Variants in CHIC2 observed in about 807,000 individuals in gnomAD.
CHIC2 encodes the protein cysteine rich hydrophobic domain 2.
Under a neutral mutation model 25.9 loss-of-function variants are expected in CHIC2, and 14 were observed. The observed-to-expected ratio is 0.54, with a 90% CI of 0.36 to 0.85. The LOEUF (loss-of-function observed/expected upper bound fraction) is 0.85, where lower values mean the gene tolerates loss of function less well. CHIC2 is among the 40% of genes least tolerant of loss of function. The probability of loss-of-function intolerance (pLI) is 0.01; values close to 1 mark genes in which losing one functional copy is unlikely to be tolerated. For missense variants in CHIC2, 146 were observed against 202.0 expected, an observed-to-expected ratio of 0.72 and a Z score of 1.68; for synonymous variants, 70 against 72.0, an observed-to-expected ratio of 0.97 and a Z score of 0.14.
intron 5 of CHIC2, 109 bp downstream of exon 5, chr4:54,013,728 A>C: frequency 8.5e-6 from 9 of 1,055,154 alleles, no homozygotes; most frequent in Non-Finnish European, 4.3e-6. Context: ...CACTCAGGAG[A>C]TTAAGCTCCT....
At chr4:54,037,685 A>T (rs996549086) in intron 3 of CHIC2, among the ~76,000 whole-genome samples, 4 of 152,206 alleles carry the variant, frequency 2.6e-5, no homozygotes, top group Admixed American at 6.5e-5. Flanking sequence ...AACACATTTA[A>T]AAGAACTGAT....
At chr4:54,085,068 G>T in the CHIC2 span, among the ~76,000 whole-genome samples, 2 of 151,108 alleles carry the variant, frequency 1.3e-5, no homozygotes, top group African/African-American at 4.9e-5. Flanking sequence ...ATCTCAAAAT[G>T]TTAAAGTGCT....
At chr4:54,070,381 A>ATTAT in the CHIC2 span, among the ~76,000 whole-genome samples, 12,899 of 150,156 alleles carry the variant, frequency 0.086, 647 homozygotes, top group Middle Eastern at 0.13. Context: ...GTGCATTTTT[A>ATTAT]TTATTTATTT....
upstream of CHIC2, chr4:54,065,275 C>A (rs1389995897): frequency 1.0e-6 from 1 of 971,786 alleles, no homozygotes; most frequent in Non-Finnish European, 1.2e-6. Context: ...TCACCGTAGT[C>A]ATGCTATGAA....
At chr4:54,024,014 C>T (rs1436670801) in intron 3 of CHIC2, among the ~76,000 whole-genome samples, 2 of 152,174 alleles carry the variant, frequency 1.3e-5, no homozygotes, top group Non-Finnish European at 2.9e-5. Flanking sequence ...CAGGGCAACG[C>T]TTATGCTGAT....
At chr4:54,030,805 T>C (rs1716206694) in intron 3 of CHIC2, among the ~76,000 whole-genome samples, 1 of 151,252 alleles carries the variant, frequency 6.6e-6, no homozygotes, top group Admixed American at 6.6e-5. Flanking sequence ...AGTGCTGGGA[T>C]TACAGGAATG....
At chr4:54,077,779 C>T in the CHIC2 span, among the ~76,000 whole-genome samples, 4 of 152,336 alleles carry the variant, frequency 2.6e-5, no homozygotes, top group East Asian at 7.7e-4. Flanking sequence ...ATTTCTATAG[C>T]AGCCCTCCTG....
chr4:54,058,296 G>A (rs943266233), intron 1 of CHIC2, among the ~76,000 whole-genome samples: 1 of 152,082 alleles, frequency 6.6e-6, no homozygotes, highest in Non-Finnish European at 1.5e-5. Flanking sequence ...CTCTAAGGTG[G>A]ATATTATCTC....
chr4:54,072,486 T>G, the CHIC2 span, among the ~76,000 whole-genome samples: 7 of 152,144 alleles, frequency 4.6e-5, no homozygotes, highest in African/African-American at 1.7e-4. Context: ...TTCAAAACCA[T>G]GTACCAGTCT....
At chr4:54,020,752 G>A (rs1715872050) in intron 3 of CHIC2, among the ~76,000 whole-genome samples, 1 of 152,168 alleles carries the variant, frequency 6.6e-6, no homozygotes, top group Non-Finnish European at 1.5e-5. Flanking sequence ...TAGAGACAAA[G>A]GAGACACATT....
chr4:54,087,461 G>T, the CHIC2 span: 9 of 762,092 alleles, frequency 1.2e-5, no homozygotes, highest in Admixed American at 2.4e-4. Flanking sequence ...GGCAGTTAAT[G>T]AAATTGTGAC....
the CHIC2 span, among the ~76,000 whole-genome samples, chr4:54,089,803 A>G: frequency 6.6e-6 from 1 of 152,238 alleles, no homozygotes; most frequent in South Asian, 2.1e-4. Context: ...AAGATGGAGT[A>G]TCTGATACTA....
chr4:54,030,459 G>C (rs1716190078), intron 3 of CHIC2, among the ~76,000 whole-genome samples: 1 of 149,754 alleles, frequency 6.7e-6, no homozygotes, highest in South Asian at 2.1e-4. Context: ...GGAGGTCCAG[G>C]CTGCAGTGAG....
intron 3 of CHIC2, among the ~76,000 whole-genome samples, chr4:54,024,789 C>A (rs753815002): frequency 6.6e-6 from 1 of 152,138 alleles, no homozygotes; most frequent in Non-Finnish European, 1.5e-5. Context: ...TCCTTTAATA[C>A]CTGTTTTTCT....
intron 3 of CHIC2, among the ~76,000 whole-genome samples, chr4:54,020,659 G>A (rs982970346): frequency 7.2e-5 from 11 of 152,056 alleles, no homozygotes; most frequent in South Asian, 2.1e-4. Flanking sequence ...TCGGGTAAGC[G>A]GTCTTTTCAC....
chr4:54,037,095 A>G (rs1486405095), intron 3 of CHIC2, among the ~76,000 whole-genome samples: 1 of 152,092 alleles, frequency 6.6e-6, no homozygotes, highest in Non-Finnish European at 1.5e-5. Context: ...CCAAGCACGG[A>G]GGCTCACACC....
At chr4:54,037,117 C>T (rs1223087367) in intron 3 of CHIC2, among the ~76,000 whole-genome samples, 1 of 152,110 alleles carries the variant, frequency 6.6e-6, no homozygotes, top group Non-Finnish European at 1.5e-5. Context: ...GTAATCCCAG[C>T]ACTTTGGGAG....
the CHIC2 span, among the ~76,000 whole-genome samples, chr4:54,089,054 A>G: frequency 6.6e-6 from 1 of 152,206 alleles, no homozygotes; most frequent in Non-Finnish European, 1.5e-5. Flanking sequence ...AACTGTAGGT[A>G]GAGGAACAAA....
At chr4:54,035,578 C>T (rs1297421186) in intron 3 of CHIC2, among the ~76,000 whole-genome samples, 1 of 152,140 alleles carries the variant, frequency 6.6e-6, no homozygotes, top group Non-Finnish European at 1.5e-5. Flanking sequence ...AGTCTCATCA[C>T]CTGTTTCATT....
Sources: gnomAD v4.1 joint callset for allele counts (sites outside exome capture counted in the v4.1 genomes callset) on GRCh38, gnomAD v4.1.1 for gene constraint, MANE v1.5 for transcripts, NCBI Gene and HGNC (gene_info 2026-07-23, HGNC 2026-07-21) for gene names.